Variants in UBE2E2 observed in about 807,000 individuals in gnomAD.
UBE2E2 encodes ubiquitin conjugating enzyme E2 E2, also known as ubiquitin-conjugating enzyme E2 E2.
A neutral mutation model predicts 24.7 loss-of-function variants in UBE2E2; 6 were observed. The observed-to-expected ratio is 0.24, with a 90% CI of 0.13 to 0.48. The LOEUF (loss-of-function observed/expected upper bound fraction) is 0.48, where lower values mean the gene tolerates loss of function less well. Among genes scored for constraint, UBE2E2 ranks in the 20% least tolerant of loss-of-function variants. UBE2E2 has a pLI of 0.99. For synonymous variants in UBE2E2, 104 were observed against 83.6 expected (o/e 1.24, Z -1.33); for missense variants, 169 against 245.0 (o/e 0.69, Z 2.07).
intron 3 of UBE2E2, among the ~76,000 whole-genome samples, chr3:23,302,270 C>T (rs751982508): frequency 7.2e-5 from 11 of 152,120 alleles, no homozygotes; most frequent in South Asian, 2.1e-4. Flanking sequence ...GTTTCTTTTT[C>T]AGATTTTCAG....
At chr3:23,352,730 T>A (rs1695794500) in intron 3 of UBE2E2, among the ~76,000 whole-genome samples, 1 of 152,056 alleles carries the variant, frequency 6.6e-6, no homozygotes, top group Non-Finnish European at 1.5e-5. Context: ...TCTGAAATTG[T>A]GGCAATAATC....
chr3:23,470,727 G>A (rs546745356), intron 3 of UBE2E2, among the ~76,000 whole-genome samples: 7 of 152,166 alleles, frequency 4.6e-5, no homozygotes, highest in Admixed American at 3.3e-4. Context: ...CAGTAAAAAC[G>A]GTTCTTAATA....
rs145390908 is a variant in UBE2E2 at position 23,380,167 on chromosome 3, A to G, written c.228-119441A>G. Among the ~76,000 whole-genome samples the G allele has an allele frequency of 4.2e-3, 636 of 151,098 alleles. 5 individuals carry two copies. The highest frequency in any genetic ancestry group is 0.014 in the African/African-American group (587 of 41,144). On this transcript the variant is annotated intron_variant, in intron 3 of 5. Coordinates refer to ENST00000396703, the MANE Select transcript of UBE2E2 (RefSeq NM_152653.4). ...AAAATCATTTTGTTGAAATTGCTAT[A>G]CTCTTGTGGTAGTGACTAACCATCA...
At chr3:23,544,965 G>C (rs1486623664) in intron 5 of UBE2E2, among the ~76,000 whole-genome samples, 3 of 152,196 alleles carry the variant, frequency 2.0e-5, no homozygotes, top group Non-Finnish European at 4.4e-5. Flanking sequence ...AGAATCAAGT[G>C]CTGTGCTTTT....
chr3:23,304,664 G>C (rs1699192958), intron 3 of UBE2E2, among the ~76,000 whole-genome samples: 1 of 152,110 alleles, frequency 6.6e-6, no homozygotes, highest in Admixed American at 6.6e-5. Context: ...AGCTTTTTCA[G>C]ATAATTGTGG....
chr3:23,551,757 A>C (rs919887882), intron 5 of UBE2E2, among the ~76,000 whole-genome samples: 9 of 152,142 alleles, frequency 5.9e-5, no homozygotes, highest in African/African-American at 1.9e-4. Context: ...TAGGGATGTA[A>C]AGCATGGTTT....
chr3:23,541,093 C>T (rs1275756020), intron 5 of UBE2E2, among the ~76,000 whole-genome samples: 1 of 152,190 alleles, frequency 6.6e-6, no homozygotes, highest in African/African-American at 2.4e-5. Context: ...GACAAAACAT[C>T]CAGATGATTG....
At chr3:23,542,271 G>A (rs1002559244) in intron 5 of UBE2E2, among the ~76,000 whole-genome samples, 9 of 152,082 alleles carry the variant, frequency 5.9e-5, no homozygotes, top group Non-Finnish European at 1.2e-4. Flanking sequence ...CTGTATCTGC[G>A]GGTAATGCAT....
chr3:23,285,933 G>A lies in UBE2E2; in HGVS notation c.227+68621G>A, dbSNP rs1023608639. The stretch of plus-strand genomic sequence containing the variant: ...GCTGGTCTCAAATTCTTGACTTCAA[G>A]TGATCTGCCCACCTCGGCCTCCCAA... On this transcript the variant is annotated intron_variant, in intron 3 of 5. Transcript: ENST00000396703. Among the ~76,000 whole-genome samples, 12 of 152,372 alleles carry A rather than the reference G, an allele frequency of 7.9e-5. 2 individuals carry two copies. Among genetic ancestry groups the A allele is most frequent in the Admixed American group, 2.0e-4 (3 of 15,294 alleles).
chr3:23,321,403 C>T (rs1694733995), intron 3 of UBE2E2, among the ~76,000 whole-genome samples: 1 of 151,932 alleles, frequency 6.6e-6, no homozygotes, highest in Admixed American at 6.6e-5. Flanking sequence ...ATCCAACTCC[C>T]GGCATCTAGT....
chr3:23,223,855 T>G, intron 3 of UBE2E2, among the ~76,000 whole-genome samples: 1 of 152,210 alleles, frequency 6.6e-6, no homozygotes, highest in East Asian at 1.9e-4. Flanking sequence ...AGTTTCATTC[T>G]TCATATATAG....
At chr3:23,269,056 G>A (rs1453991628) in intron 3 of UBE2E2, among the ~76,000 whole-genome samples, 1 of 151,870 alleles carries the variant, frequency 6.6e-6, no homozygotes, top group Non-Finnish European at 1.5e-5. Flanking sequence ...ATTAATTCAA[G>A]ATGGATTAGA....
intron 2 of UBE2E2, among the ~76,000 whole-genome samples, chr3:23,209,902 C>T (rs1344615977): frequency 6.6e-6 from 1 of 152,030 alleles, no homozygotes; most frequent in Non-Finnish European, 1.5e-5. Context: ...TTGCTGATCT[C>T]TGTTGAAGGA....
At chr3:23,439,239 C>T (rs960562078) in intron 3 of UBE2E2, among the ~76,000 whole-genome samples, 2 of 152,198 alleles carry the variant, frequency 1.3e-5, no homozygotes, top group Non-Finnish European at 2.9e-5. Context: ...TCCCTTCATG[C>T]GTATTCTTCC....
chr3:23,364,672 C>G (rs1559362677), intron 3 of UBE2E2, among the ~76,000 whole-genome samples: 2 of 152,196 alleles, frequency 1.3e-5, no homozygotes. Context: ...CAGACAGATT[C>G]ACAGCCAAAC....
chr3:23,418,291 C>T (rs1404727548), intron 3 of UBE2E2, among the ~76,000 whole-genome samples: 1 of 152,186 alleles, frequency 6.6e-6, no homozygotes, highest in African/African-American at 2.4e-5. Context: ...TTCCTCACGG[C>T]TTACCTTGGC....
At chr3:23,377,847 TA>T (rs1243998533) in intron 3 of UBE2E2, among the ~76,000 whole-genome samples, 3 of 152,228 alleles carry the variant, frequency 2.0e-5, no homozygotes. Context: ...TTAATCTTGA[TA>T]TTTAGAATTT....
intron 3 of UBE2E2, among the ~76,000 whole-genome samples, chr3:23,238,839 T>C (rs1332557215): frequency 6.6e-6 from 1 of 152,170 alleles, no homozygotes; most frequent in Admixed American, 6.5e-5. Context: ...CACATGGGGT[T>C]AGGTGTGGAG....
At chr3:23,342,885 T>C (rs1695437366) in intron 3 of UBE2E2, among the ~76,000 whole-genome samples, 1 of 152,128 alleles carries the variant, frequency 6.6e-6, no homozygotes, top group African/African-American at 2.4e-5. Context: ...ATTGAAACCA[T>C]TCTTAAAGTT....
Sources: gnomAD v4.1 joint callset for allele counts (sites outside exome capture counted in the v4.1 genomes callset) on GRCh38, gnomAD v4.1.1 for gene constraint, MANE v1.5 for transcripts, NCBI Gene and HGNC (gene_info 2026-07-23, HGNC 2026-07-21) for gene names.